Variants in ANK2 observed in about 807,000 individuals in gnomAD.
ANK2 encodes ankyrin 2.
Under a neutral mutation model 360.5 loss-of-function variants are expected in ANK2, and 83 were observed. The ratio of observed to expected loss-of-function variants is 0.23; its 90% CI spans 0.19 to 0.28. ANK2 has a LOEUF of 0.28. ANK2 is among the 10% of genes least tolerant of loss of function. ANK2 has a pLI of 1.00. For missense variants in ANK2, 4,201 were observed against 4,795.7 expected, an observed-to-expected ratio of 0.88 and a Z score of 3.66; for synonymous variants, 1,740 against 1,759.5, an observed-to-expected ratio of 0.99 and a Z score of 0.28.
At chr4:113,313,140 C>G (rs1453494222) in intron 24 of ANK2, among the ~76,000 whole-genome samples, 2 of 152,144 alleles carry the variant, frequency 1.3e-5, no homozygotes, top group Non-Finnish European at 2.9e-5. Flanking sequence ...CTCTGGAGTT[C>G]CATAAGCTGT....
chr4:112,762,491 G>T, the ANK2 span, among the ~76,000 whole-genome samples: 2 of 152,150 alleles, frequency 1.3e-5, no homozygotes, highest in African/African-American at 4.8e-5. Flanking sequence ...GTAAAGGCAT[G>T]TGAATGCTTT....
Position 113,292,404 on chromosome 4 carries a change from T to C in ANK2, c.2278-12T>C, listed in dbSNP as rs1218681810. On this transcript the variant is annotated splice_polypyrimidine_tract_variant and intron_variant, in intron 20 of 45. Coordinates refer to ENST00000357077, the MANE Select transcript of ANK2 (RefSeq NM_001148.6). ...AATCGGGTGCTGGGCCCGCCACCAC[T>C]GTCCTCCACAGAACGGCTACACGCC... 12 of 1,606,764 alleles carry C rather than the reference T, an allele frequency of 7.5e-6. No individual in the cohort carries two copies. The highest frequency in any genetic ancestry group is 1.0e-5 in the Non-Finnish European group (12 of 1,176,412).
intron 1 of ANK2, among the ~76,000 whole-genome samples, chr4:113,055,420 A>T (rs933761557): frequency 1.3e-5 from 2 of 152,122 alleles, no homozygotes; most frequent in African/African-American, 4.8e-5. Flanking sequence ...AAATAGATAG[A>T]TAAATAAATA....
the ANK2 span, among the ~76,000 whole-genome samples, chr4:112,778,355 A>G: frequency 6.6e-6 from 1 of 151,658 alleles, no homozygotes; most frequent in African/African-American, 2.4e-5. Flanking sequence ...TATTTTTAGT[A>G]GAGATGGGGT....
At chr4:113,093,519 T>C (rs954670331) in intron 1 of ANK2, among the ~76,000 whole-genome samples, 1 of 152,110 alleles carries the variant, frequency 6.6e-6, no homozygotes, top group Non-Finnish European at 1.5e-5. Context: ...TTGGTATTTT[T>C]AGTAGAGACA....
At chr4:112,970,887 A>G (rs1003905756) in intron 2 of ANK2, among the ~76,000 whole-genome samples, 1 of 152,220 alleles carries the variant, frequency 6.6e-6, no homozygotes, top group Non-Finnish European at 1.5e-5. Context: ...GTGGTAATGC[A>G]TATGTCAATT....
rs180811319 is a variant in ANK2 at position 112,919,978 on chromosome 4, G to A, written c.21+15464G>A. On this transcript the variant is annotated intron_variant, in intron 2 of 30. Coordinates refer to the ANK2 transcript ENST00000503271. ...AGAGTTGAATAATAATTTATTATAC[G>A]TAGAGCTGAATAATAACATTATGGA... Among the ~76,000 whole-genome samples the A allele has an allele frequency of 2.4e-3, 363 of 151,992 alleles. 1 individual carries two copies. The highest frequency in any genetic ancestry group is 8.0e-3 in the African/African-American group (331 of 41,472).
intron 4 of ANK2, among the ~76,000 whole-genome samples, chr4:113,205,960 A>G (rs78274261): frequency 0.028 from 4,236 of 152,284 alleles, 95 homozygotes; most frequent in East Asian, 0.067. Context: ...ACACATATGC[A>G]CACACACACA....
chr4:112,999,124 A>G (rs1278315846), intron 2 of ANK2, among the ~76,000 whole-genome samples: 1 of 152,206 alleles, frequency 6.6e-6, no homozygotes, highest in Non-Finnish European at 1.5e-5. Flanking sequence ...ATATTAAAAT[A>G]AAACATTTCT....
chr4:113,188,169 C>T (rs1238860542), intron 2 of ANK2, among the ~76,000 whole-genome samples: 1 of 152,090 alleles, frequency 6.6e-6, no homozygotes, highest in Non-Finnish European at 1.5e-5. Context: ...GTTAGGCTAG[C>T]CACAAATGAT....
At chr4:112,965,683 A>C (rs2036925511) in intron 2 of ANK2, among the ~76,000 whole-genome samples, 1 of 152,166 alleles carries the variant, frequency 6.6e-6, no homozygotes, top group Non-Finnish European at 1.5e-5. Flanking sequence ...ATTCTTCTGC[A>C]TATTGATATC....
chr4:113,257,257 G>A (rs2050008737), intron 11 of ANK2, among the ~76,000 whole-genome samples: 1 of 152,050 alleles, frequency 6.6e-6, no homozygotes, highest in Non-Finnish European at 1.5e-5. Flanking sequence ...GTAAGCACCG[G>A]GCCATTTAAC....
intron 4 of ANK2, among the ~76,000 whole-genome samples, chr4:113,212,899 G>C (rs1278828301): frequency 2.0e-5 from 3 of 152,156 alleles, no homozygotes; most frequent in Non-Finnish European, 4.4e-5. Flanking sequence ...ACATAACAAA[G>C]TCAGTTTGTG....
intron 1 of ANK2, among the ~76,000 whole-genome samples, chr4:113,160,614 T>G (rs952919779): frequency 1.3e-5 from 2 of 150,254 alleles, no homozygotes; most frequent in Non-Finnish European, 2.9e-5. Context: ...TTCCCTTATA[T>G]TATATTTCCA....
intron 4 of ANK2, among the ~76,000 whole-genome samples, chr4:113,207,117 A>G (rs977387022): frequency 5.3e-5 from 8 of 152,196 alleles, no homozygotes; most frequent in African/African-American, 1.4e-4. Context: ...ACACGCACAC[A>G]CACACACACA....
At chr4:113,273,197 A>G (rs1253465257) in intron 14 of ANK2, among the ~76,000 whole-genome samples, 1 of 152,166 alleles carries the variant, frequency 6.6e-6, no homozygotes, top group African/African-American at 2.4e-5. Flanking sequence ...TTCTGTTTTA[A>G]TAGCTGAGTA....
At chr4:113,367,933 A>C in intron 42 of ANK2, 82 bp downstream of exon 42, 1 of 1,533,608 alleles carries the variant, frequency 6.5e-7, no homozygotes, top group Admixed American at 1.7e-5. Flanking sequence ...AAGCATAACT[A>C]GTTTTTAAAT....
intron 5 of ANK2, among the ~76,000 whole-genome samples, chr4:113,233,128 T>C (rs1164682438): frequency 2.0e-5 from 2 of 98,214 alleles, no homozygotes; most frequent in Admixed American, 1.1e-4. Flanking sequence ...TTTTTTTTTT[T>C]TTTTTTTTTT....
At chr4:112,822,056 C>T (rs2057213730) in intron 1 of ANK2, among the ~76,000 whole-genome samples, 1 of 152,088 alleles carries the variant, frequency 6.6e-6, no homozygotes, top group African/African-American at 2.4e-5. Flanking sequence ...GCATGAGCCA[C>T]TGCGCCTAAT....
Sources: gnomAD v4.1 joint callset for allele counts (sites outside exome capture counted in the v4.1 genomes callset) on GRCh38, gnomAD v4.1.1 for gene constraint, MANE v1.5 for transcripts, NCBI Gene and HGNC (gene_info 2026-07-23, HGNC 2026-07-21) for gene names.